The following DCDC1 variants were observed in gnomAD, a reference collection of about 807,000 sequenced individuals.
DCDC1 encodes doublecortin domain containing 1, also known as doublecortin domain-containing protein 1.
A neutral mutation model predicts 178.3 loss-of-function variants in DCDC1; 200 were observed. That is an observed-to-expected ratio of 1.12 (90% CI 1.00 to 1.26). DCDC1 has a LOEUF of 1.26. Ranked by LOEUF, DCDC1 falls within the 50% of genes most tolerant of loss-of-function variation. The pLI is 0.00. For synonymous variants in DCDC1, 690 were observed against 604.8 expected (o/e 1.14, Z -2.07); for missense variants, 1,983 against 1,749.2 (o/e 1.13, Z -2.38).
At chr11:31,232,639 T>C (rs1975927381) in intron 9 of DCDC1, among the ~76,000 whole-genome samples, 1 of 152,176 alleles carries the variant, frequency 6.6e-6, no homozygotes, top group Non-Finnish European at 1.5e-5. Flanking sequence ...GCCTTACATT[T>C]GCTAATGAAG....
chr11:31,288,520 G>T (rs1343563963), intron 7 of DCDC1, among the ~76,000 whole-genome samples: 8 of 151,620 alleles, frequency 5.3e-5, no homozygotes, highest in African/African-American at 1.7e-4. Flanking sequence ...TTTCCCCTTG[G>T]CTCTATTCTG....
chr11:31,298,219 G>A (rs555484124), intron 6 of DCDC1, among the ~76,000 whole-genome samples: 1 of 152,164 alleles, frequency 6.6e-6, no homozygotes, highest in Non-Finnish European at 1.5e-5. Flanking sequence ...TCACTACCTT[G>A]TTGATAGTTC....
At chr11:31,196,363 A>G (rs1970695227) in intron 9 of DCDC1, among the ~76,000 whole-genome samples, 1 of 151,976 alleles carries the variant, frequency 6.6e-6, no homozygotes, top group Admixed American at 6.6e-5. Context: ...GAGTTATCAC[A>G]GACCCCACAG....
chr11:31,093,871 A>G (rs2135682507), intron 16 of DCDC1, among the ~76,000 whole-genome samples, 179 bp downstream of exon 16: 1 of 152,330 alleles, frequency 6.6e-6, no homozygotes, highest in South Asian at 2.1e-4. Context: ...TCATTTGAGA[A>G]TCTACAGAAG....
In DCDC1 at chr11:30,892,929, T is replaced by C; in HGVS notation, c.4971A>G (p.Ala1657=). 1 of 1,614,006 alleles carries C rather than the reference T, an allele frequency of 6.2e-7. No homozygotes were observed. The highest frequency in any genetic ancestry group is 8.5e-7 in the Non-Finnish European group (1 of 1,179,854). ...GCTTATACAGGTTGCTCGGCTTGAC[T>C]GCTATACGTTTGGTTGCAATTGGAA... ...INFPIATKRI[A]VKPSNLYKQP... Residue 1657 remains alanine (A), a synonymous_variant, in exon 36 of 39, where the codon GCA becomes GCG. Transcript: ENST00000684477.
At chr11:31,065,222 G>A (rs1956180803) in intron 18 of DCDC1, 69 bp from the exon 19 acceptor site, 1 of 595,300 alleles carries the variant, frequency 1.7e-6, no homozygotes, top group Non-Finnish European at 3.0e-6. Flanking sequence ...CATCCAACTG[G>A]AAAGAGAGGA....
intron 8 of DCDC1, among the ~76,000 whole-genome samples, chr11:31,250,057 C>A (rs540099845): frequency 6.8e-4 from 103 of 151,976 alleles, no homozygotes; most frequent in African/African-American, 2.4e-3. Flanking sequence ...AACAATATTT[C>A]TTCCAGTGGG....
intron 20 of DCDC1, among the ~76,000 whole-genome samples, chr11:31,013,665 AACAATCC>A (rs947818684): frequency 2.6e-5 from 4 of 152,204 alleles, no homozygotes; most frequent in African/African-American, 9.7e-5. Flanking sequence ...AAAACTGTAC[AACAATCC>A]CTTCACTGCT....
intron 20 of DCDC1, among the ~76,000 whole-genome samples, chr11:31,047,013 T>A (rs1205897967): frequency 6.6e-6 from 1 of 152,108 alleles, no homozygotes; most frequent in East Asian, 1.9e-4. Flanking sequence ...TCTTCCACAA[T>A]GTCTTCCAAA....
chr11:30,964,583 C>T (rs759674379), intron 20 of DCDC1, among the ~76,000 whole-genome samples: 2 of 152,082 alleles, frequency 1.3e-5, no homozygotes, highest in Admixed American at 6.6e-5. Flanking sequence ...CTGATGATAA[C>T]CAAGTACAAG....
intron 9 of DCDC1, among the ~76,000 whole-genome samples, chr11:31,141,146 C>A (rs1284295090): frequency 5.3e-5 from 8 of 151,998 alleles, no homozygotes; most frequent in African/African-American, 1.9e-4. Flanking sequence ...TAACTCTCCC[C>A]AAAATATTTT....
intron 1 of DCDC1, among the ~76,000 whole-genome samples, chr11:31,366,058 T>C (rs1326761866): frequency 6.6e-6 from 1 of 152,216 alleles, no homozygotes; most frequent in Non-Finnish European, 1.5e-5. Flanking sequence ...CAGGCACAAC[T>C]ATCTCATTTA....
At chr11:31,210,428 A>T (rs1417448612) in intron 9 of DCDC1, among the ~76,000 whole-genome samples, 1 of 152,086 alleles carries the variant, frequency 6.6e-6, no homozygotes, top group East Asian at 1.9e-4. Context: ...TTAAGAATGG[A>T]CCGGCCGGGC....
At chr11:31,062,715 G>A (rs962209007) in intron 20 of DCDC1, among the ~76,000 whole-genome samples, 4 of 151,884 alleles carry the variant, frequency 2.6e-5, no homozygotes, top group Non-Finnish European at 4.4e-5. Context: ...CAGAAAAAAC[G>A]TTCCCTTCCT....
intron 9 of DCDC1, among the ~76,000 whole-genome samples, chr11:31,194,154 G>A (rs1464302656): frequency 6.6e-6 from 1 of 152,094 alleles, no homozygotes; most frequent in African/African-American, 2.4e-5. Context: ...ATGATATCAT[G>A]ATAGTTAAGT....
intron 6 of DCDC1, among the ~76,000 whole-genome samples, chr11:31,293,605 TC>T (rs1947387993): frequency 6.6e-6 from 1 of 152,176 alleles, no homozygotes; most frequent in African/African-American, 2.4e-5. Flanking sequence ...TGAAACTGTC[TC>T]TTTCACATGC....
chr11:31,265,574 C>A lies in DCDC1; in HGVS notation c.987G>T (p.Met329Ile). Residue 329 changes from methionine to isoleucine, a missense_variant, in exon 8 of 39, where the codon ATG becomes ATT. Met to Ile is a conservative substitution (Grantham distance 10). Transcript: ENST00000684477. ...AATATCTGGCTGGTAAATTTAGATT[C>A]ATTCTTATTGTACAAGTATCTAAAA... ...KKVLDTCTIR[M>I]NLNLPARYFY... The A allele has an allele frequency of 4.2e-6, 6 of 1,426,978 alleles. No homozygotes were observed. The highest frequency in any genetic ancestry group is 5.5e-6 in the Non-Finnish European group (6 of 1,083,798). 88.4% of individuals were successfully genotyped at this position (1,426,978 alleles called of 1,614,324 possible).
At chr11:31,029,192 A>C (rs918146590) in intron 20 of DCDC1, among the ~76,000 whole-genome samples, 2 of 152,092 alleles carry the variant, frequency 1.3e-5, no homozygotes, top group African/African-American at 4.8e-5. Context: ...TTCTTTTCAA[A>C]ACAAGTGAAC....
At chr11:31,265,176 A>G (rs1272831447) in intron 8 of DCDC1, among the ~76,000 whole-genome samples, 3 of 152,164 alleles carry the variant, frequency 2.0e-5, no homozygotes, top group African/African-American at 4.8e-5. Flanking sequence ...TCATACAGTA[A>G]TGCAATTTCT....
Sources: gnomAD v4.1 joint callset for allele counts (sites outside exome capture counted in the v4.1 genomes callset) on GRCh38, gnomAD v4.1.1 for gene constraint, MANE v1.5 for transcripts, NCBI Gene and HGNC (gene_info 2026-07-23, HGNC 2026-07-21) for gene names.